The following TENM2 variants were observed in gnomAD, a reference collection of about 807,000 sequenced individuals.
TENM2 encodes the protein teneurin-2.
In TENM2, 52 loss-of-function variants were observed where a neutral mutation model predicts 245.2. The ratio of observed to expected loss-of-function variants is 0.21; its 90% CI spans 0.17 to 0.27. TENM2 has a LOEUF of 0.27. Ranked by LOEUF, TENM2 falls within the 10% of genes least tolerant of loss-of-function variation. TENM2 has a pLI of 1.00. For synonymous variants in TENM2, 1,363 were observed against 1,438.9 expected (o/e 0.95, Z 1.19); for missense variants, 3,046 against 3,666.8 (o/e 0.83, Z 4.37).
At chr5:167,155,484 A>G in the TENM2 span, among the ~76,000 whole-genome samples, 1 of 152,166 alleles carries the variant, frequency 6.6e-6, no homozygotes, top group Non-Finnish European at 1.5e-5. Context: ...CTTGCCCCTG[A>G]ACCCTTTTTA....
rs557578251 is a variant in TENM2, at chr5:167,361,111, A to G, written c.227-14087A>G. On this transcript the variant is annotated intron_variant, in intron 1 of 28. Coordinates refer to ENST00000518659, the Ensembl canonical transcript of TENM2. The stretch of plus-strand genomic sequence containing the variant: ...GCAGGGACATGCTGAGTGATGTGAC[A>G]TAATAGAAAACATTATGATATCACA... Among the ~76,000 whole-genome samples the G allele has an allele frequency of 6.6e-5, 10 of 152,336 alleles. No individual in the cohort carries two copies. In the South Asian group the frequency reaches 1.7e-3, roughly 25 times the overall value.
the TENM2 span, among the ~76,000 whole-genome samples, chr5:167,106,779 G>C: frequency 3.9e-5 from 6 of 151,984 alleles, no homozygotes; most frequent in East Asian, 1.9e-4. Context: ...GCAGTGAAGA[G>C]GGTGGGGGAG....
chr5:167,960,531 T>A (rs1261391924), intron 4 of TENM2, among the ~76,000 whole-genome samples: 1 of 151,248 alleles, frequency 6.6e-6, no homozygotes, highest in Non-Finnish European at 1.5e-5. Context: ...TCAGTAATAG[T>A]GGACCCCCCC....
At chr5:168,210,758 T>C (rs1271354609) in intron 19 of TENM2, among the ~76,000 whole-genome samples, 3 of 152,146 alleles carry the variant, frequency 2.0e-5, no homozygotes, top group African/African-American at 7.2e-5. Flanking sequence ...TCTTTGTCCC[T>C]TCCCTGAAGC....
intron 5 of TENM2, among the ~76,000 whole-genome samples, chr5:167,995,268 G>A (rs1239241020): frequency 6.6e-6 from 1 of 152,196 alleles, no homozygotes; most frequent in Non-Finnish European, 1.5e-5. Flanking sequence ...ACCGTATAGT[G>A]AGAGTTTAAT....
chr5:168,221,883 C>T (rs913399893), intron 23 of TENM2, among the ~76,000 whole-genome samples: 7 of 152,164 alleles, frequency 4.6e-5, no homozygotes, highest in African/African-American at 1.2e-4. Context: ...TACTGATTGA[C>T]GTTGGACACG....
Position 167,584,830 on chromosome 5 carries a change from G to A in TENM2, c.502+209357G>A, listed in dbSNP as rs530921016. On this transcript the variant is annotated intron_variant, in intron 2 of 28. Coordinates refer to ENST00000518659, the Ensembl canonical transcript of TENM2. ...CTGTCTCAGCCTCCCAAGTAGCTGG[G>A]ACTACAGGCGCCCGCCACCACGCCC... 1.9e-3 allele frequency among the ~76,000 whole-genome samples: 287 copies of A among 152,010 alleles called. 4 individuals are homozygous for A. The highest frequency in any genetic ancestry group is 6.6e-3 in the African/African-American group (272 of 41,444).
intron 2 of TENM2, among the ~76,000 whole-genome samples, chr5:167,778,058 G>A (rs1196319466): frequency 1.3e-5 from 2 of 152,308 alleles, no homozygotes; most frequent in South Asian, 4.1e-4. Context: ...CACATGGACT[G>A]CAAAGGGTAA....
chr5:167,017,548 A>G, the TENM2 span, among the ~76,000 whole-genome samples: 2 of 152,324 alleles, frequency 1.3e-5, no homozygotes, highest in South Asian at 2.1e-4. Flanking sequence ...GGGGTGGGCC[A>G]TGGGCTCTAG....
At chr5:167,059,663 G>GTTATTTGATATTTCAAATGC in the TENM2 span, among the ~76,000 whole-genome samples, 1 of 143,564 alleles carries the variant, frequency 7.0e-6, no homozygotes, top group African/African-American at 2.5e-5. Flanking sequence ...GTTACTGATA[G>GTTATTTGATATTTCAAATGC]TTATTTGATA....
intron 2 of TENM2, among the ~76,000 whole-genome samples, chr5:167,746,942 G>A (rs923344821): frequency 5.3e-5 from 8 of 152,074 alleles, no homozygotes; most frequent in Non-Finnish European, 7.4e-5. Flanking sequence ...TGCAGACATA[G>A]TGCAACGTGT....
At position 167,669,793 on chromosome 5, in the gene TENM2, C is replaced by A. The variant is rs139108706; in HGVS notation, c.503-206193C>A. Among the ~76,000 whole-genome samples, 1,254 of 151,724 alleles carry A rather than the reference C, an allele frequency of 8.3e-3. 15 individuals carry two copies. Among genetic ancestry groups the A allele is most frequent in the African/African-American group, 0.029 (1,182 of 41,356 alleles). On this transcript the variant is annotated intron_variant, in intron 2 of 28. Transcript: ENST00000518659. ...TTAAAGTGTAGCTTTCTTAGACAAA[C>A]CGTGGTTGTAAGTTATAGCTGCTCT...
intron 2 of TENM2, among the ~76,000 whole-genome samples, chr5:167,447,865 C>T (rs1371834298): frequency 3.3e-5 from 5 of 152,190 alleles, no homozygotes; most frequent in African/African-American, 4.8e-5. Context: ...GTGACAGAGG[C>T]GTTTCCACCG....
intron 3 of TENM2, among the ~76,000 whole-genome samples, chr5:167,890,297 A>G (rs1252552519): frequency 6.6e-6 from 1 of 152,170 alleles, no homozygotes; most frequent in Non-Finnish European, 1.5e-5. Flanking sequence ...TTAAAAACAC[A>G]CAGAAACAAC....
the TENM2 span, among the ~76,000 whole-genome samples, chr5:167,157,615 C>T: frequency 6.6e-6 from 1 of 152,094 alleles, no homozygotes; most frequent in Non-Finnish European, 1.5e-5. Context: ...ATTTTTATAT[C>T]TATGTGAACA....
chr5:167,904,396 C>T (rs1234327655), intron 3 of TENM2, among the ~76,000 whole-genome samples: 4 of 152,134 alleles, frequency 2.6e-5, no homozygotes, highest in Non-Finnish European at 1.5e-5. Flanking sequence ...ACACTGCTTT[C>T]CTTAGTACAT....
chr5:168,070,941 A>AGAAGGAAAGG (rs1790962087), intron 7 of TENM2, among the ~76,000 whole-genome samples: 1 of 150,046 alleles, frequency 6.7e-6, no homozygotes. Flanking sequence ...TGTTACAGAA[A>AGAAGGAAAGG]GAAGGAAAGG....
chr5:168,123,895 C>A (rs1466993162), intron 10 of TENM2, among the ~76,000 whole-genome samples: 2 of 152,130 alleles, frequency 1.3e-5, no homozygotes, highest in Admixed American at 1.3e-4. Context: ...TCTAAAAGGC[C>A]CTATTTATTC....
chr5:167,565,386 C>T (rs1412087050), intron 2 of TENM2, among the ~76,000 whole-genome samples: 1 of 152,212 alleles, frequency 6.6e-6, no homozygotes, highest in East Asian at 1.9e-4. Flanking sequence ...ATTTATCGAG[C>T]ACCCTCTGAG....
Sources: gnomAD v4.1 joint callset for allele counts (sites outside exome capture counted in the v4.1 genomes callset) on GRCh38, gnomAD v4.1.1 for gene constraint, MANE v1.5 for transcripts, NCBI Gene and HGNC (gene_info 2026-07-23, HGNC 2026-07-21) for gene names.